The following RLN2 variants were observed in gnomAD, a reference collection of about 807,000 sequenced individuals.
The protein encoded by RLN2 is relaxin 2.
A neutral mutation model predicts 7.3 loss-of-function variants in RLN2; 10 were observed. The ratio of observed to expected loss-of-function variants is 1.36; its 90% CI spans 0.84 to 2.31. The LOEUF is 2.31. Among genes scored for constraint, RLN2 ranks in the 30% most tolerant of loss-of-function variants. The probability of loss-of-function intolerance (pLI) is 0.00; values close to 1 mark genes in which losing one functional copy is unlikely to be tolerated. For synonymous variants in RLN2, 103 were observed against 82.3 expected, an observed-to-expected ratio of 1.25 and a Z score of -1.36; for missense variants, 298 against 217.6, an observed-to-expected ratio of 1.37 and a Z score of -2.32.
the RLN2 span, among the ~76,000 whole-genome samples, chr9:5,333,831 C>A: frequency 1.3e-5 from 2 of 151,992 alleles, no homozygotes; most frequent in African/African-American, 4.8e-5. Flanking sequence ...CCAATCAAGA[C>A]GGCTTTATCC....
At chr9:5,315,665 A>G in the RLN2 span, among the ~76,000 whole-genome samples, 2 of 152,072 alleles carry the variant, frequency 1.3e-5, no homozygotes, top group Admixed American at 1.3e-4. Context: ...AACTGTCAAA[A>G]GCCGAAGACA....
intron 1 of RLN2, among the ~76,000 whole-genome samples, chr9:5,302,678 G>A (rs1164169769): frequency 6.6e-6 from 1 of 152,164 alleles, no homozygotes; most frequent in Non-Finnish European, 1.5e-5. Flanking sequence ...ATATACAAAT[G>A]TGCTTAATGA....
upstream of RLN2, among the ~76,000 whole-genome samples, chr9:5,308,863 G>GCAGT (rs897248744): frequency 5.3e-5 from 8 of 152,152 alleles, no homozygotes; most frequent in African/African-American, 1.9e-4. Context: ...TTCAAAGAAG[G>GCAGT]CAGTCACATC....
At chr9:5,321,831 A>T in the RLN2 span, among the ~76,000 whole-genome samples, 3 of 152,060 alleles carry the variant, frequency 2.0e-5, no homozygotes, top group African/African-American at 7.2e-5. Context: ...GCATAAAGAT[A>T]CAGGGAGCAT....
chr9:5,311,984 G>T, the RLN2 span, among the ~76,000 whole-genome samples: 1 of 152,064 alleles, frequency 6.6e-6, no homozygotes, highest in Non-Finnish European at 1.5e-5. Context: ...AAAAGTGGGC[G>T]AAGGACATGA....
At chr9:5,326,450 C>T in the RLN2 span, among the ~76,000 whole-genome samples, 1 of 152,070 alleles carries the variant, frequency 6.6e-6, no homozygotes, top group South Asian at 2.1e-4. Context: ...CTCACTGTCT[C>T]CCCACCCTAA....
At chr9:5,314,609 G>T in the RLN2 span, among the ~76,000 whole-genome samples, 1 of 151,960 alleles carries the variant, frequency 6.6e-6, no homozygotes, top group Non-Finnish European at 1.5e-5. Context: ...CCTACAGGTT[G>T]AATAATTGTA....
In RLN2 at chr9:5,300,275, T is replaced by A. The variant is rs1230541265; in HGVS notation, c.381A>T (p.Glu127Asp). 6.2e-7 allele frequency: 1 copy of A among 1,614,064 alleles called. No homozygotes were observed. The highest frequency in any genetic ancestry group is 8.5e-7 in the Non-Finnish European group (1 of 1,179,954). Residue 127 changes from glutamate to aspartate, a missense_variant, in exon 2 of 2, where the codon GAA becomes GAT. Transcript: ENST00000381627. ...TATTGCGAATAAGTTTCTTAAATTC[T>A]TCAAAGAGAAGACTGGAATCTTTTA... is the stretch of plus-strand genomic sequence containing the variant. ...PVLKDSSLLF[E>D]EFKKLIRNRQ... is the part of the protein sequence containing the mutation.
the RLN2 span, among the ~76,000 whole-genome samples, chr9:5,323,319 C>A: frequency 2.8e-4 from 42 of 152,014 alleles, no homozygotes; most frequent in African/African-American, 9.2e-4. Flanking sequence ...CAATTTAATT[C>A]ATAGACCAGC....
Position 5,304,655 on chromosome 9 carries a change from G to C in RLN2, c.-75C>G. The stretch of plus-strand genomic sequence containing the variant: ...TGCAGCTGCTGTGGCCTACACACCT[G>C]GGCCTGTGTGCCTGTCCCGGGCTTT... On this transcript the variant is annotated 5_prime_UTR_variant, in exon 1 of 2. Transcript: ENST00000381627. 6.9e-7 allele frequency: 1 copy of C among 1,457,006 alleles called. No individual in the cohort carries two copies. The highest frequency in any genetic ancestry group is 9.6e-7 in the Non-Finnish European group (1 of 1,043,010). The allele number at this position is 1,457,006 out of a possible 1,614,324, so 90.3% of individuals were successfully genotyped here. A position where few individuals can be genotyped will look rare whatever the true frequency, so the allele number is the denominator to read the frequency against.
the RLN2 span, among the ~76,000 whole-genome samples, chr9:5,328,028 C>T: frequency 1.6e-3 from 240 of 152,020 alleles, 5 homozygotes; most frequent in African/African-American, 5.3e-3. Context: ...ACCTTCTCAG[C>T]AGCAAGGGAA....
At chr9:5,306,102 GTTTTTTGTTTTTTTT>G (rs1022571509), upstream of RLN2, among the ~76,000 whole-genome samples, 14 of 123,436 alleles carry the variant, frequency 1.1e-4, no homozygotes, top group Admixed American at 1.6e-4. Flanking sequence ...CTTTGTTTTT[GTTTTTTGTTTTTTTT>G]TTTTTTTTTT....
the RLN2 span, among the ~76,000 whole-genome samples, chr9:5,330,601 G>C: frequency 7.3e-6 from 1 of 136,278 alleles, no homozygotes. Context: ...TCACACCACT[G>C]CACTCCAGCC....
chr9:5,323,415 T>C, the RLN2 span, among the ~76,000 whole-genome samples: 1 of 151,968 alleles, frequency 6.6e-6, no homozygotes, highest in Non-Finnish European at 1.5e-5. Context: ...GAAAACAAAT[T>C]CCTTGTCATC....
the RLN2 span, among the ~76,000 whole-genome samples, chr9:5,326,374 A>G: frequency 1.6e-4 from 24 of 152,208 alleles, no homozygotes; most frequent in East Asian, 2.7e-3. Context: ...GAGCCACTGA[A>G]GTGGTACTGC....
chr9:5,311,808 T>C, the RLN2 span: 1 of 677,274 alleles, frequency 1.5e-6, no homozygotes, highest in Admixed American at 2.4e-5. Context: ...TGCAGAATTT[T>C]TTTTTTTAGT....
rs577281779 is a variant in RLN2, at chr9:5,304,699, G to C, written c.-119C>G. On this transcript the variant is annotated 5_prime_UTR_variant, in exon 1 of 2. Transcript: ENST00000381627. ...GGGCTTTAGGCTGCTTTCCCTACCC[G>C]GCTCAAGCGGTCTTTTGTATCCCTT... 90 of 994,094 alleles carry C rather than the reference G, an allele frequency of 9.1e-5. No individual in the cohort carries two copies. In the East Asian group the frequency reaches 2.0e-3, roughly 22 times the overall value. 61.6% of individuals were successfully genotyped at this position (994,094 alleles called of 1,614,324 possible). A position where few individuals can be genotyped will look rare whatever the true frequency, so the allele number is the denominator to read the frequency against.
upstream of RLN2, among the ~76,000 whole-genome samples, chr9:5,307,263 T>C (rs1456982228): frequency 1.8e-5 from 2 of 114,064 alleles, no homozygotes; most frequent in African/African-American, 6.9e-5. Context: ...GATAGATAGA[T>C]AGATAGAGGA....
At chr9:5,325,161 G>C in the RLN2 span, among the ~76,000 whole-genome samples, 51 of 151,646 alleles carry the variant, frequency 3.4e-4, no homozygotes, top group Non-Finnish European at 6.0e-4. Flanking sequence ...ATTATTTTGT[G>C]GGGACAGGTG....
Sources: allele counts gnomAD v4.1 joint callset (sites outside exome capture counted in the v4.1 genomes callset), GRCh38; gene constraint gnomAD v4.1.1; transcripts MANE v1.5; gene names NCBI Gene and HGNC (gene_info 2026-07-23, HGNC 2026-07-21).